PTK2: variants seen among roughly 807,000 people sequenced by gnomAD.
PTK2 encodes protein tyrosine kinase 2.
In PTK2, 45 loss-of-function variants were observed where a neutral mutation model predicts 150.1. That is an observed-to-expected ratio of 0.30 (90% CI 0.24 to 0.38). PTK2 has a LOEUF of 0.38. Ranked by LOEUF, PTK2 falls within the 10% of genes least tolerant of loss-of-function variation. The pLI is 1.00. For missense variants in PTK2, 919 were observed against 1,307.3 expected (o/e 0.70, Z 4.58); for synonymous variants, 432 against 449.2 (o/e 0.96, Z 0.48).
At chr8:140,820,631 A>C (rs1485635034) in intron 8 of PTK2, 2 of 151,430 alleles carry the variant, frequency 1.3e-5, no homozygotes, top group Non-Finnish European at 2.9e-5. Flanking sequence ...GATTTACTTT[A>C]AACATAGAAC....
At chr8:140,989,780 T>C (rs1449105338) in intron 1 of PTK2, among the ~76,000 whole-genome samples, 1 of 151,366 alleles carries the variant, frequency 6.6e-6, no homozygotes, top group Non-Finnish European at 1.5e-5. Context: ...TGATGGTGCA[T>C]GCCTGTAATC....
At chr8:140,686,819 C>A (rs1712878864) in intron 26 of PTK2, 125 bp from the exon 30 acceptor site, 4 of 841,742 alleles carry the variant, frequency 4.8e-6, no homozygotes, top group Non-Finnish European at 7.4e-6. Flanking sequence ...TGAAAGTTCC[C>A]CCGTTTCAAA....
chr8:140,902,929 T>TTTTTTTTTTG (rs2100159178), intron 2 of PTK2, among the ~76,000 whole-genome samples: 2 of 68,392 alleles, frequency 2.9e-5, no homozygotes, highest in East Asian at 5.6e-4. Context: ...GAGTTGTTTT[T>TTTTTTTTTTG]TTTTTTTTTT....
At chr8:140,784,494 A>G (rs1258835791) in intron 14 of PTK2, among the ~76,000 whole-genome samples, 1 of 152,178 alleles carries the variant, frequency 6.6e-6, no homozygotes, top group African/African-American at 2.4e-5. Flanking sequence ...TATACCTTCA[A>G]AATATTTAAA....
intron 14 of PTK2, among the ~76,000 whole-genome samples, chr8:140,785,913 G>A (rs887797309): frequency 6.6e-6 from 1 of 152,172 alleles, no homozygotes; most frequent in African/African-American, 2.4e-5. Context: ...TAATACATGT[G>A]CAGGTTTACT....
exon 26 of PTK2, chr8:140,700,926 C>G: frequency 1.2e-6 from 2 of 1,614,010 alleles, no homozygotes; most frequent in Non-Finnish European, 1.7e-6. Context: ...CAGCGCTGAT[C>G]TTCTTCCATT....
chr8:140,951,838 TCATACCACTGCACTC>T (rs1228213453), intron 1 of PTK2, among the ~76,000 whole-genome samples: 2 of 151,824 alleles, frequency 1.3e-5, no homozygotes, highest in South Asian at 4.2e-4. Context: ...TGAGCTATGA[TCATACCACTGCACTC>T]CAGCCTGGGT....
At chr8:140,925,636 C>A (rs1456589693) in intron 2 of PTK2, 25 bp downstream of exon 2, 1 of 984,590 alleles carries the variant, frequency 1.0e-6, no homozygotes, top group East Asian at 1.1e-4. Context: ...ACTTTCTTTG[C>A]AAAGTTTCTT....
chr8:140,995,992 C>A (rs1049633002), intron 1 of PTK2, among the ~76,000 whole-genome samples: 6 of 151,998 alleles, frequency 3.9e-5, no homozygotes, highest in African/African-American at 4.8e-5. Context: ...GGCCGACACC[C>A]GAGAACCACT....
At chr8:140,865,818 T>G (rs2100138945) in intron 4 of PTK2, among the ~76,000 whole-genome samples, 1 of 152,110 alleles carries the variant, frequency 6.6e-6, no homozygotes, top group African/African-American at 2.4e-5. Flanking sequence ...GGGTCTGGCT[T>G]TGTTGCCCAG....
At chr8:140,839,778 T>C (rs139653924) in intron 7 of PTK2, among the ~76,000 whole-genome samples, 5 of 152,244 alleles carry the variant, frequency 3.3e-5, no homozygotes, top group East Asian at 3.9e-4. Context: ...ATTAAAGAGA[T>C]AGTGGCATAT....
At chr8:140,759,596 C>CCTG (rs978259390) in intron 16 of PTK2, among the ~76,000 whole-genome samples, 14 of 150,436 alleles carry the variant, frequency 9.3e-5, no homozygotes, top group Non-Finnish European at 1.9e-4. Flanking sequence ...GTGGCTCATG[C>CCTG]CTGCAATCCC....
intron 7 of PTK2, 114 bp downstream of exon 7, chr8:140,846,146 C>T: frequency 1.3e-6 from 1 of 770,410 alleles, no homozygotes; most frequent in Middle Eastern, 3.8e-4. Context: ...TTTTCCTCTT[C>T]TGGATATAAA....
chr8:140,688,243 C>T (rs1249840242), intron 26 of PTK2, among the ~76,000 whole-genome samples: 1 of 152,164 alleles, frequency 6.6e-6, no homozygotes, highest in African/African-American at 2.4e-5. Context: ...CAAAACAGCT[C>T]ATGTATATCA....
At chr8:140,752,711 C>G (rs2100063493) in intron 16 of PTK2, among the ~76,000 whole-genome samples, 1 of 152,178 alleles carries the variant, frequency 6.6e-6, no homozygotes, top group African/African-American at 2.4e-5. Context: ...TAGAAGGTAA[C>G]CGTGTTACAG....
At chr8:140,777,942 T>C (rs1437905047) in intron 14 of PTK2, among the ~76,000 whole-genome samples, 1 of 152,222 alleles carries the variant, frequency 6.6e-6, no homozygotes, top group Non-Finnish European at 1.5e-5. Flanking sequence ...TCAACTGCCC[T>C]GCTCCTCTAT....
chr8:140,849,114 T>C (rs1031787827), intron 5 of PTK2, among the ~76,000 whole-genome samples: 11 of 152,354 alleles, frequency 7.2e-5, no homozygotes, highest in South Asian at 6.2e-4. Flanking sequence ...GTTTTTCCTA[T>C]AGCTTTAATC....
intron 3 of PTK2, among the ~76,000 whole-genome samples, chr8:140,886,313 T>C (rs2100152271): frequency 6.6e-6 from 1 of 152,176 alleles, no homozygotes; most frequent in South Asian, 2.1e-4. Flanking sequence ...GTGTGGACTT[T>C]TCCAAGTACT....
intron 1 of PTK2, among the ~76,000 whole-genome samples, chr8:140,952,115 T>C (rs1253838665): frequency 6.6e-6 from 1 of 152,188 alleles, no homozygotes; most frequent in Non-Finnish European, 1.5e-5. Flanking sequence ...ACAGTTGGTA[T>C]TCTTTCTTTT....
Sources: gnomAD v4.1 joint callset for allele counts (sites outside exome capture counted in the v4.1 genomes callset) on GRCh38, gnomAD v4.1.1 for gene constraint, MANE v1.5 for transcripts, NCBI Gene and HGNC (gene_info 2026-07-23, HGNC 2026-07-21) for gene names.